Variants in DDX31 observed in about 807,000 individuals in gnomAD.
DDX31 encodes the protein DEAD-box helicase 31, also known as ATP-dependent DNA helicase DDX31.
In DDX31, 70 loss-of-function variants were observed where a neutral mutation model predicts 91.3. That is an observed-to-expected ratio of 0.77 (90% CI 0.63 to 0.94). DDX31 has a LOEUF of 0.94. Ranked by LOEUF, DDX31 falls within the 40% of genes least tolerant of loss-of-function variation. The probability of loss-of-function intolerance (pLI) is 0.00; values close to 1 mark genes in which losing one functional copy is unlikely to be tolerated. For synonymous variants in DDX31, 362 were observed against 350.6 expected (o/e 1.03, Z -0.36); for missense variants, 902 against 925.0 (o/e 0.98, Z 0.32).
chr9:132,647,120 G>T, intron 11 of DDX31, 62 bp from the exon 12 acceptor site: 12 of 1,504,300 alleles, frequency 8.0e-6, no homozygotes, highest in Non-Finnish European at 1.1e-5. Flanking sequence ...GGTCACAAAA[G>T]CGTACCCCCA....
chr9:132,641,981 A>G (rs1833529757), intron 14 of DDX31, 23 bp downstream of exon 14: 1 of 1,610,496 alleles, frequency 6.2e-7, no homozygotes, highest in Non-Finnish European at 8.5e-7. Flanking sequence ...CAGCCTTCAC[A>G]TGGAACACAG....
At chr9:132,653,170 T>C (rs1834323450) in intron 6 of DDX31, among the ~76,000 whole-genome samples, 1 of 151,476 alleles carries the variant, frequency 6.6e-6, no homozygotes, top group Non-Finnish European at 1.5e-5. Context: ...CAAGATAATT[T>C]TGTCAAGCAG....
At chr9:132,604,606 G>A (rs764198702) in intron 19 of DDX31, among the ~76,000 whole-genome samples, 2 of 152,164 alleles carry the variant, frequency 1.3e-5, no homozygotes, top group Non-Finnish European at 2.9e-5. Flanking sequence ...CCTGGGTCAA[G>A]TTCACGGTCA....
chr9:132,594,730 G>A lies in DDX31; in HGVS notation c.*136C>T, dbSNP rs369132072. On this transcript the variant is annotated 3_prime_UTR_variant, in exon 20 of 20. Transcript: ENST00000372159. ...GCCTCCCATGGAGGAGAAGGGCTGT[G>A]GCCCCTCTGATTCTTGGGGACGTGG... is the stretch of plus-strand genomic sequence containing the variant. 230 of 1,392,128 alleles carry A rather than the reference G, an allele frequency of 1.7e-4. 2 individuals are homozygous for A. In the East Asian group the frequency reaches 4.0e-3, roughly 24 times the overall value. 86.2% of individuals were successfully genotyped at this position (1,392,128 alleles called of 1,614,324 possible).
In DDX31 at chr9:132,662,351, C is replaced by A. The variant is rs45469192; in HGVS notation, c.333-15G>T. 3 of 1,614,196 alleles carry A rather than the reference C, an allele frequency of 1.9e-6. No individual in the cohort carries two copies. The highest frequency in any genetic ancestry group is 1.3e-5 in the African/African-American group (1 of 75,056). Reference sequence around the variant, plus strand: ...TTACCACAGGTCTGCAAATGATGAACAAGAACCCAGGCATCAGTGCCAATA... The same window carrying A: ...TTACCACAGGTCTGCAAATGATGAAAAAGAACCCAGGCATCAGTGCCAATA... On this transcript the variant is annotated splice_polypyrimidine_tract_variant and intron_variant, in intron 2 of 19. Coordinates refer to ENST00000372159, the MANE Select transcript of DDX31 (RefSeq NM_022779.9).
intron 19 of DDX31, among the ~76,000 whole-genome samples, chr9:132,601,434 T>C (rs117154710): frequency 0.03 from 4,518 of 152,296 alleles, 93 homozygotes; most frequent in Middle Eastern, 0.054. Flanking sequence ...GGTGCCATCA[T>C]GGGCAGTTTC....
intron 1 of DDX31, among the ~76,000 whole-genome samples, chr9:132,668,268 AGT>A (rs1835442365): frequency 6.6e-6 from 1 of 152,156 alleles, no homozygotes; most frequent in South Asian, 2.1e-4. Flanking sequence ...TTACTGCTTA[AGT>A]TAATTCTAGG....
chr9:132,630,480 T>C (rs1172063379), intron 15 of DDX31, 77 bp from the exon 16 acceptor site: 6 of 1,369,596 alleles, frequency 4.4e-6, no homozygotes, highest in Middle Eastern at 2.1e-4. Flanking sequence ...ACTCCTCACC[T>C]GCCTCCAGGT....
intron 3 of DDX31, 30 bp downstream of exon 3, chr9:132,662,231 C>T: frequency 6.2e-7 from 1 of 1,612,134 alleles, no homozygotes; most frequent in Non-Finnish European, 8.5e-7. Context: ...CCAAAAAAAA[C>T]TGACCCAGAA....
rs748003962 is a variant in DDX31, at chr9:132,662,491, T to G, written c.280A>C (p.Ile94Leu). 1 of 1,614,116 alleles carries G rather than the reference T, an allele frequency of 6.2e-7. No homozygotes were observed. Among genetic ancestry groups the G allele is most frequent in the Non-Finnish European group, 8.5e-7 (1 of 1,180,040 alleles). Residue 94 changes from isoleucine (I) to leucine (L), a missense_variant, in exon 2 of 20, where the codon ATT (isoleucine) becomes CTT (leucine). Transcript: ENST00000372159. ...TTTTTAAACAGTGATGAAGTCTTAATGCACTGTCTCTCCTCCTGGTTTCTA... is the reference window on the plus strand; with the variant it reads ...TTTTTAAACAGTGATGAAGTCTTAAGGCACTGTCTCTCCTCCTGGTTTCTA... ...SDRNQEERQC[I>L]KTSSLFKNNP...
intron 15 of DDX31, among the ~76,000 whole-genome samples, chr9:132,631,150 T>C (rs183445128): frequency 5.9e-5 from 9 of 152,380 alleles, no homozygotes; most frequent in East Asian, 5.8e-4. Flanking sequence ...TTAAAGCTAA[T>C]TGACCATCCA....
chr9:132,613,235 C>G (rs1831447242), intron 18 of DDX31, among the ~76,000 whole-genome samples: 1 of 152,172 alleles, frequency 6.6e-6, no homozygotes, highest in African/African-American at 2.4e-5. Flanking sequence ...CAGGATTAAC[C>G]AATACAGAGC....
At chr9:132,657,047 A>G (rs1834612847) in intron 6 of DDX31, among the ~76,000 whole-genome samples, 1 of 152,220 alleles carries the variant, frequency 6.6e-6, no homozygotes, top group African/African-American at 2.4e-5. Context: ...ATGCATGCAT[A>G]CACAACTATT....
At chr9:132,636,341 T>C (rs955090654) in intron 14 of DDX31, among the ~76,000 whole-genome samples, 17 of 152,220 alleles carry the variant, frequency 1.1e-4, no homozygotes, top group African/African-American at 3.9e-4. Context: ...TTAGAAACAC[T>C]GATGAGTTCT....
intron 17 of DDX31, among the ~76,000 whole-genome samples, chr9:132,624,296 CT>C (rs1832256269): frequency 6.6e-6 from 1 of 151,978 alleles, no homozygotes. Context: ...GTCAACACCC[CT>C]AATAACAAAC....
intron 3 of DDX31, among the ~76,000 whole-genome samples, chr9:132,661,464 T>C (rs1834940474): frequency 6.6e-6 from 1 of 152,072 alleles, no homozygotes; most frequent in Non-Finnish European, 1.5e-5. Flanking sequence ...TTTGTGCTTG[T>C]TATAACCAGG....
intron 17 of DDX31, 51 bp downstream of exon 17, chr9:132,625,613 T>C: frequency 1.4e-6 from 2 of 1,437,790 alleles, no homozygotes; most frequent in Non-Finnish European, 2.0e-6. Flanking sequence ...CTACCCCAAA[T>C]CAAGTGAGTC....
intron 6 of DDX31, among the ~76,000 whole-genome samples, chr9:132,652,783 C>T (rs983402551): frequency 3.9e-5 from 6 of 152,116 alleles, no homozygotes; most frequent in East Asian, 1.9e-4. Context: ...ATAAGTCTCA[C>T]GAGATCTGAT....
chr9:132,662,793 C>A, intron 1 of DDX31, 98 bp from the exon 2 acceptor site: 1 of 1,491,618 alleles, frequency 6.7e-7, no homozygotes, highest in Non-Finnish European at 9.1e-7. Flanking sequence ...TTGCATCTCT[C>A]CCTGCAGAGA....
Sources: gnomAD v4.1 joint callset for allele counts (sites outside exome capture counted in the v4.1 genomes callset) on GRCh38, gnomAD v4.1.1 for gene constraint, MANE v1.5 for transcripts, NCBI Gene and HGNC (gene_info 2026-07-23, HGNC 2026-07-21) for gene names.